Variants in STARD7 observed in about 807,000 individuals in gnomAD.
The protein encoded by STARD7 is StAR related lipid transfer domain containing 7, also known as stAR-related lipid transfer protein 7, mitochondrial.
In STARD7, 30 loss-of-function variants were observed where a neutral mutation model predicts 45.3. The observed-to-expected ratio is 0.66, with a 90% CI of 0.50 to 0.90. The LOEUF (loss-of-function observed/expected upper bound fraction) is 0.90, where lower values mean the gene tolerates loss of function less well. Ranked by LOEUF, STARD7 falls within the 40% of genes least tolerant of loss-of-function variation. The pLI is 0.00. For synonymous variants in STARD7, 199 were observed against 183.0 expected (o/e 1.09, Z -0.70); for missense variants, 495 against 491.3 (o/e 1.01, Z -0.07).
chr2:96,197,062 G>A (rs569375898), intron 1 of STARD7, among the ~76,000 whole-genome samples: 56 of 55,230 alleles, frequency 1.0e-3, no homozygotes, highest in African/African-American at 2.5e-3. Flanking sequence ...GCGAAACTCC[G>A]TCTCAAAATA....
chr2:96,195,887 G>C (rs923429335), intron 1 of STARD7, among the ~76,000 whole-genome samples: 8 of 151,946 alleles, frequency 5.3e-5, no homozygotes, highest in Non-Finnish European at 8.8e-5. Context: ...GGCAGAAGAG[G>C]GTGGATCACG....
At chr2:96,191,802 A>G (rs1683129489) in intron 6 of STARD7, among the ~76,000 whole-genome samples, 1 of 152,196 alleles carries the variant, frequency 6.6e-6, no homozygotes, top group Admixed American at 6.5e-5. Context: ...CAAAGCCATT[A>G]TAAGGTGAAG....
intron 6 of STARD7, among the ~76,000 whole-genome samples, chr2:96,191,212 T>C (rs1467784052): frequency 6.6e-6 from 1 of 152,104 alleles, no homozygotes; most frequent in Non-Finnish European, 1.5e-5. Context: ...AAATATATAA[T>C]AGAAGAACTG....
In STARD7 at chr2:96,187,296, G is replaced by C; in HGVS notation, c.849C>G (p.Gly283=). The C allele has an allele frequency of 6.2e-7, 1 of 1,612,512 alleles. No individual in the cohort carries two copies. The highest frequency in any genetic ancestry group is 8.5e-7 in the Non-Finnish European group (1 of 1,178,610). ...IRPHKSFDEN[G]FDYLLTYSDN... Reference sequence around the variant, plus strand: ...CACTGTATGTTAGTAAGTAGTCAAAGCCATTCTGGAAAAGAAAAACAGCAA... The same window carrying C: ...CACTGTATGTTAGTAAGTAGTCAAACCCATTCTGGAAAAGAAAAACAGCAA... Residue 283 remains glycine, a synonymous_variant, in exon 7 of 8, where the codon GGC becomes GGG. Transcript: ENST00000337288.
At chr2:96,189,796 G>C (rs1434621760) in intron 6 of STARD7, among the ~76,000 whole-genome samples, 1 of 151,852 alleles carries the variant, frequency 6.6e-6, no homozygotes, top group African/African-American at 2.4e-5. Context: ...CGTATTATTG[G>C]TGATCTTACT....
At position 96,186,290 on chromosome 2, in the gene STARD7, G is replaced by A. The variant is rs1392877894; in HGVS notation, c.*440C>T. ...ATGATTGTTACCAAGAGCACTCCCA[G>A]TAGCCCCTCATTTGAGAGACTCAAC... On this transcript the variant is annotated 3_prime_UTR_variant, in exon 8 of 8. Transcript: ENST00000337288. 6.5e-6 allele frequency: 1 copy of A among 154,944 alleles called. No individual in the cohort carries two copies. Among genetic ancestry groups the A allele is most frequent in the African/African-American group, 2.4e-5 (1 of 41,550 alleles). The allele number at this position is 154,944 out of a possible 1,614,324, so 9.6% of individuals were successfully genotyped here.
At chr2:96,192,066 C>A (rs1683132947) in intron 6 of STARD7, among the ~76,000 whole-genome samples, 1 of 152,210 alleles carries the variant, frequency 6.6e-6, no homozygotes, top group South Asian at 2.1e-4. Flanking sequence ...ACAGGAGGTA[C>A]TCGCTCTAGT....
In STARD7 at chr2:96,208,765, G is replaced by C; in HGVS notation, c.-331C>G. Reference sequence around the variant, plus strand: ...GGCCGGGATGCAGGGCGCGCGGACAGAAACGAGACAGACAGCTCAGGCCCA... The same window carrying C: ...GGCCGGGATGCAGGGCGCGCGGACACAAACGAGACAGACAGCTCAGGCCCA... On this transcript the variant is annotated 5_prime_UTR_variant, in exon 1 of 8. Transcript: ENST00000337288. The C allele has an allele frequency of 4.9e-6, 2 of 410,522 alleles. No homozygotes were observed. The highest frequency in any genetic ancestry group is 8.6e-6 in the Non-Finnish European group (2 of 232,208). The allele number at this position is 410,522 out of a possible 1,614,324, so 25.4% of individuals were successfully genotyped here.
intron 3 of STARD7, among the ~76,000 whole-genome samples, chr2:96,194,747 T>A (rs1224104416): frequency 6.6e-6 from 1 of 152,214 alleles, no homozygotes; most frequent in Non-Finnish European, 1.5e-5. Flanking sequence ...TTCCCAACAG[T>A]CCTGTGGGAG....
chr2:96,190,814 T>G (rs1403125820), intron 6 of STARD7, among the ~76,000 whole-genome samples: 3 of 152,120 alleles, frequency 2.0e-5, no homozygotes, highest in Admixed American at 2.0e-4. Flanking sequence ...GGCTAATTTT[T>G]ATTTTTTGTA....
intron 6 of STARD7, among the ~76,000 whole-genome samples, chr2:96,190,832 G>A (rs1013409892): frequency 6.6e-6 from 1 of 151,710 alleles, no homozygotes; most frequent in Non-Finnish European, 1.5e-5. Context: ...GTAGAGACCG[G>A]GTCTCTCCAT....
rs753321107 is a variant in STARD7, at chr2:96,208,284, C to T, written c.151G>A (p.Glu51Lys). The change falls in exon 1 of 8, where the codon GAG (glutamate) becomes AAG (lysine). Residue 51 changes from glutamate to lysine, a missense_variant. By Grantham distance (56) the Glu-to-Lys change is moderately conservative. This residue lies in a region of STARD7 where 282 missense variants were observed against 220.1 expected (regional missense o/e 1.28). Coordinates refer to ENST00000337288, the MANE Select transcript of STARD7 (RefSeq NM_020151.4). ...CCGAGGAGAACGCGGCGTGAGCTCT[C>T]GGAGTAGAGGCGGCCGTAGAGCTGC... is the stretch of plus-strand genomic sequence containing the variant. ...IAQLYGRLYS[E>K]SSRRVLLGRL... The T allele has an allele frequency of 1.9e-6, 3 of 1,610,908 alleles. No homozygotes were observed. The highest frequency in any genetic ancestry group is 2.2e-5 in the East Asian group (1 of 44,826).
chr2:96,197,180 G>A (rs1179875445), intron 1 of STARD7, among the ~76,000 whole-genome samples: 3 of 151,370 alleles, frequency 2.0e-5, no homozygotes, highest in Non-Finnish European at 2.9e-5. Flanking sequence ...CGAGGTGGGC[G>A]GATCACCTGA....
At chr2:96,198,503 C>A (rs1683258267) in intron 1 of STARD7, among the ~76,000 whole-genome samples, 1 of 152,142 alleles carries the variant, frequency 6.6e-6, no homozygotes, top group Admixed American at 6.5e-5. Context: ...TTCACATCAG[C>A]AATGTTTGAG....
At chr2:96,203,855 AC>A (rs1683344622) in intron 1 of STARD7, among the ~76,000 whole-genome samples, 1 of 151,996 alleles carries the variant, frequency 6.6e-6, no homozygotes, top group African/African-American at 2.4e-5. Flanking sequence ...AGTCCCAGCT[AC>A]TTGAGAGGCT....
chr2:96,189,573 T>G (rs1429644656), intron 6 of STARD7, among the ~76,000 whole-genome samples: 1 of 151,922 alleles, frequency 6.6e-6, no homozygotes, highest in Admixed American at 6.6e-5. Context: ...GGCGTGGTGG[T>G]GCACATCTGT....
intron 1 of STARD7, among the ~76,000 whole-genome samples, chr2:96,205,499 C>G (rs1300934318): frequency 1.3e-5 from 2 of 152,182 alleles, no homozygotes; most frequent in Non-Finnish European, 2.9e-5. Flanking sequence ...GATTTAGGGG[C>G]CATGTGACAA....
chr2:96,195,228 A>C (rs1300143727), intron 2 of STARD7, 113 bp downstream of exon 2: 1 of 1,038,218 alleles, frequency 9.6e-7, no homozygotes, highest in African/African-American at 1.6e-5. Context: ...TAAACAAAAA[A>C]CTACGGCAAA....
chr2:96,195,927 A>ACAT (rs768699543), intron 1 of STARD7, among the ~76,000 whole-genome samples: 27 of 151,980 alleles, frequency 1.8e-4, no homozygotes, highest in Non-Finnish European at 2.8e-4. Flanking sequence ...AGCCTGATCA[A>ACAT]CATGGTGAAA....
Sources: gnomAD v4.1 joint callset for allele counts (sites outside exome capture counted in the v4.1 genomes callset) on GRCh38, gnomAD v4.1.1 for gene constraint, gnomAD v4.1.1 regional missense constraint, MANE v1.5 for transcripts, NCBI Gene and HGNC (gene_info 2026-07-23, HGNC 2026-07-21) for gene names.